PRSS38: variants seen among roughly 807,000 people sequenced by gnomAD.
The protein encoded by PRSS38 is marapsin 2.
PRSS38 carries 22 observed loss-of-function variants against 26.8 expected under a neutral mutation model. That is an observed-to-expected ratio of 0.82 (90% confidence interval 0.59 to 1.17). The LOEUF (loss-of-function observed/expected upper bound fraction) is 1.17, where lower values mean the gene tolerates loss of function less well. PRSS38 is among the 50% of genes most tolerant of loss of function. The probability of loss-of-function intolerance (pLI) is 0.00; values close to 1 mark genes in which losing one functional copy is unlikely to be tolerated. For synonymous variants in PRSS38, 175 were observed against 172.1 expected, an observed-to-expected ratio of 1.02 and a Z score of -0.13; for missense variants, 427 against 422.7, an observed-to-expected ratio of 1.01 and a Z score of -0.09.
At chr1:227,819,152 A>C (rs946154225) in intron 3 of PRSS38, among the ~76,000 whole-genome samples, 1 of 152,146 alleles carries the variant, frequency 6.6e-6, no homozygotes, top group African/African-American at 2.4e-5. Context: ...TTTATATAAA[A>C]CTACCTGCTA....
rs112122926 is a variant in PRSS38 at position 227,816,460 on chromosome 1, T to A, written c.311+208T>A. ...CCATTCTTGAGGCTGGTCCCCCAAG[T>A]GCACAGCCAGGTCCTCAAGAGTGAT... is the stretch of plus-strand genomic sequence containing the variant. On this transcript the variant is annotated intron_variant, in intron 2 of 4. Coordinates refer to ENST00000366757, the Ensembl canonical transcript of PRSS38. This position sits in a 1 kb window ranked among gnomAD's most constrained non-coding sequence, Gnocchi z 5.1. Among the ~76,000 whole-genome samples, 10,587 of 151,892 alleles carry A rather than the reference T, an allele frequency of 0.07. 479 individuals are homozygous for A. The highest frequency in any genetic ancestry group is 0.098 in the Non-Finnish European group (6,640 of 67,916).
chr1:227,839,836 G>C lies in PRSS38; in HGVS notation c.584-5634G>C, dbSNP rs552485578. Among the ~76,000 whole-genome samples, 8 of 152,242 alleles carry C rather than the reference G, an allele frequency of 5.3e-5. No individual in the cohort carries two copies. The South Asian group carries it at 1.7e-3, about 32-fold the overall frequency. On this transcript the variant is annotated intron_variant, in intron 3 of 4. Transcript: ENST00000366757. ...CGTCATCCAGCAGAGGATGTCTACC[G>C]GGCACTTTCTTAATTCTTCCGAGGA...
In PRSS38 at chr1:227,816,142, C is replaced by T. The variant is rs113353225; in HGVS notation, c.201C>T (p.Pro67=). 2.9e-3 allele frequency: 4,706 copies of T among 1,613,736 alleles called. 126 individuals are homozygous for T. The African/African-American group carries it at 0.056, about 19-fold the overall frequency. ...AAATCCTGGGCGGCGTCCCTGCGCC[C>T]GAGAGGAAGTGGCCGTGGCAGGTCA... is the stretch of plus-strand genomic sequence containing the variant. The change falls in exon 2 of 5, where the codon CCC becomes CCT. Residue 67 remains proline (P), a synonymous_variant. Coordinates refer to ENST00000366757, the Ensembl canonical transcript of PRSS38. The surrounding 1 kb of genome is among the most constrained non-coding windows in gnomAD (Gnocchi z 5.1).
At chr1:227,833,440 T>A (rs139126138) in intron 3 of PRSS38, among the ~76,000 whole-genome samples, 2,761 of 151,844 alleles carry the variant, frequency 0.018, 94 homozygotes, top group African/African-American at 0.063. Flanking sequence ...GGCGGGAGAA[T>A]CACTTGAACC....
intron 3 of PRSS38, among the ~76,000 whole-genome samples, chr1:227,818,315 T>C (rs1441697339): frequency 6.6e-6 from 1 of 152,238 alleles, no homozygotes; most frequent in African/African-American, 2.4e-5. Context: ...TTATTGATTT[T>C]ATTGAAATGT....
chr1:227,842,426 TCTA>T (rs1665351306), intron 3 of PRSS38, among the ~76,000 whole-genome samples: 1 of 152,140 alleles, frequency 6.6e-6, no homozygotes, highest in South Asian at 2.1e-4. Flanking sequence ...AAAAATTTAC[TCTA>T]CATTTGTTCC....
intron 3 of PRSS38, among the ~76,000 whole-genome samples, chr1:227,843,871 T>C (rs929058337): frequency 6.6e-6 from 1 of 151,734 alleles, no homozygotes; most frequent in African/African-American, 2.4e-5. Context: ...AATATAAAAG[T>C]TAGCCGGGTG....
At chr1:227,820,575 T>C (rs1308406799) in intron 3 of PRSS38, among the ~76,000 whole-genome samples, 2 of 152,202 alleles carry the variant, frequency 1.3e-5, no homozygotes, top group Non-Finnish European at 2.9e-5. Context: ...CTTGTATTTC[T>C]TGGATAAATC....
chr1:227,818,544 G>A (rs540495685), intron 3 of PRSS38, among the ~76,000 whole-genome samples: 27 of 151,948 alleles, frequency 1.8e-4, no homozygotes, highest in South Asian at 8.3e-4. Flanking sequence ...TGGGCTTGAC[G>A]GCATGTGCCT....
At chr1:227,831,386 A>G (rs1665150725) in intron 3 of PRSS38, among the ~76,000 whole-genome samples, 1 of 152,134 alleles carries the variant, frequency 6.6e-6, no homozygotes, top group Non-Finnish European at 1.5e-5. Flanking sequence ...ACTTGCTATA[A>G]TTTTACACTT....
At chr1:227,842,487 C>A (rs892935247) in intron 3 of PRSS38, among the ~76,000 whole-genome samples, 1 of 152,128 alleles carries the variant, frequency 6.6e-6, no homozygotes, top group Non-Finnish European at 1.5e-5. Flanking sequence ...ATATGGACAC[C>A]AATCCAACAG....
intron 3 of PRSS38, among the ~76,000 whole-genome samples, chr1:227,840,435 G>A (rs1665320462): frequency 6.7e-6 from 1 of 149,894 alleles, no homozygotes; most frequent in Admixed American, 6.6e-5. Context: ...CTTTTAAATG[G>A]TTGGGGCGGA....
At chr1:227,817,380 G>A in exon 3 of PRSS38, 2 of 1,614,188 alleles carry the variant, frequency 1.2e-6, no homozygotes, top group Non-Finnish European at 1.7e-6. Flanking sequence ...CCCGCATTGT[G>A]TTTTCTGAGT....
At chr1:227,844,154 C>T (rs2102686786) in intron 3 of PRSS38, among the ~76,000 whole-genome samples, 1 of 152,300 alleles carries the variant, frequency 6.6e-6, no homozygotes. Context: ...TATAAATATT[C>T]AGGAAACCAA....
chr1:227,838,009 G>T (rs556035789), intron 3 of PRSS38, among the ~76,000 whole-genome samples: 2 of 152,078 alleles, frequency 1.3e-5, no homozygotes, highest in African/African-American at 2.4e-5. Flanking sequence ...TCCCACCTCA[G>T]CCTCCCAAGG....
intron 3 of PRSS38, among the ~76,000 whole-genome samples, chr1:227,819,369 T>C (rs1218164250): frequency 1.3e-5 from 2 of 152,258 alleles, no homozygotes; most frequent in South Asian, 2.1e-4. Context: ...TTGAAGATTA[T>C]AGCTTTCAAA....
rs1263885627 is a variant in PRSS38 at position 227,838,262 on chromosome 1, T to C, written c.584-7208T>C. On this transcript the variant is annotated intron_variant, in intron 3 of 4. Transcript: ENST00000366757. ...TGAATTTAATTTTTATATTTAGGCATAAGATCCATCTGAAATTAATTTTTG... is the reference window on the plus strand; with the variant it reads ...TGAATTTAATTTTTATATTTAGGCACAAGATCCATCTGAAATTAATTTTTG... Among the ~76,000 whole-genome samples the C allele has an allele frequency of 2.0e-5, 3 of 152,208 alleles. No individual in the cohort carries two copies. In the East Asian group the frequency reaches 5.8e-4, roughly 29 times the overall value.
chr1:227,827,834 A>G (rs539223816), intron 3 of PRSS38, among the ~76,000 whole-genome samples: 3 of 152,286 alleles, frequency 2.0e-5, no homozygotes, highest in African/African-American at 7.2e-5. Flanking sequence ...ATTTAGTGCT[A>G]TAAATTTCTC....
At chr1:227,828,204 T>C (rs1665102447) in intron 3 of PRSS38, among the ~76,000 whole-genome samples, 2 of 152,176 alleles carry the variant, frequency 1.3e-5, no homozygotes, top group South Asian at 4.1e-4. Context: ...ATCTATTAGG[T>C]CCACTTGATC....
Sources: allele counts gnomAD v4.1 joint callset (sites outside exome capture counted in the v4.1 genomes callset), GRCh38; gene constraint gnomAD v4.1.1; non-coding constraint Gnocchi (gnomAD v3.1); transcripts MANE v1.5; gene names NCBI Gene and HGNC (gene_info 2026-07-23, HGNC 2026-07-21).